Variants in ESR1 observed in about 807,000 individuals in gnomAD.
ESR1 encodes estrogen receptor.
In ESR1, 12 loss-of-function variants were observed where a neutral mutation model predicts 52.7. The ratio of observed to expected loss-of-function variants is 0.23; its 90% CI spans 0.15 to 0.37. The LOEUF (loss-of-function observed/expected upper bound fraction) is 0.37, where lower values mean the gene tolerates loss of function less well. Among genes scored for constraint, ESR1 ranks in the 10% least tolerant of loss-of-function variants. The pLI, the probability that ESR1 is intolerant of heterozygous loss-of-function variation, is 1.00. For missense variants in ESR1, 584 were observed against 779.7 expected (o/e 0.75, Z 2.99); for synonymous variants, 305 against 316.8 (o/e 0.96, Z 0.39).
chr6:151,899,320 C>G (rs1796168257), intron 3 of ESR1, among the ~76,000 whole-genome samples: 1 of 125,760 alleles, frequency 8.0e-6, no homozygotes, highest in African/African-American at 3.3e-5. Context: ...CCACCTCCCT[C>G]CCGGACGGGG....
At chr6:151,828,318 C>G (rs190624734) in intron 1 of ESR1, among the ~76,000 whole-genome samples, 2 of 152,316 alleles carry the variant, frequency 1.3e-5, no homozygotes, top group East Asian at 3.9e-4. Context: ...ACAGCATAGT[C>G]TAACAAGTAT....
intron 4 of ESR1, among the ~76,000 whole-genome samples, chr6:151,958,899 G>A (rs2037314867): frequency 6.6e-6 from 1 of 151,974 alleles, no homozygotes; most frequent in Admixed American, 6.6e-5. Flanking sequence ...CTTCTCTTTT[G>A]CCCCTCTTTG....
intron 5 of ESR1, among the ~76,000 whole-genome samples, chr6:152,055,004 C>T (rs1236643588): frequency 1.3e-5 from 2 of 152,136 alleles, no homozygotes; most frequent in East Asian, 3.9e-4. Flanking sequence ...TTGTTGCAAG[C>T]GACAGGATTT....
chr6:151,726,651 A>T (rs1024935770), intron 2 of ESR1, among the ~76,000 whole-genome samples: 1 of 152,184 alleles, frequency 6.6e-6, no homozygotes, highest in Admixed American at 6.5e-5. Context: ...TTTTAAAAAA[A>T]TTTCAGTTTC....
intron 3 of ESR1, among the ~76,000 whole-genome samples, chr6:151,884,509 A>C (rs1793510527): frequency 6.6e-6 from 1 of 152,252 alleles, no homozygotes; most frequent in South Asian, 2.1e-4. Context: ...GTTTAGTTTC[A>C]GTTAAAAGAG....
At chr6:151,796,556 A>G (rs1394945603) in intron 2 of ESR1, among the ~76,000 whole-genome samples, 2 of 152,222 alleles carry the variant, frequency 1.3e-5, no homozygotes, top group Non-Finnish European at 2.9e-5. Flanking sequence ...GCATTTGTAA[A>G]ACACTTGATA....
chr6:151,884,749 A>G (rs924394322), intron 3 of ESR1, among the ~76,000 whole-genome samples: 3 of 152,192 alleles, frequency 2.0e-5, no homozygotes, highest in Non-Finnish European at 4.4e-5. Context: ...GTGCTTTTCT[A>G]TCCTAGTACA....
At chr6:151,908,151 TA>T (rs1554282003) in intron 3 of ESR1, among the ~76,000 whole-genome samples, 1 of 152,126 alleles carries the variant, frequency 6.6e-6, no homozygotes, top group Non-Finnish European at 1.5e-5. Context: ...ATGAATAAAA[TA>T]AAAAACTTTG....
chr6:151,797,486 A>G (rs1287765554), intron 2 of ESR1, among the ~76,000 whole-genome samples: 1 of 152,244 alleles, frequency 6.6e-6, no homozygotes, highest in African/African-American at 2.4e-5. Context: ...TTCTGTCTCT[A>G]GCATTGCAAG....
intron 4 of ESR1, among the ~76,000 whole-genome samples, chr6:151,979,485 T>C (rs1001511412): frequency 6.6e-6 from 1 of 152,192 alleles, no homozygotes; most frequent in East Asian, 1.9e-4. Context: ...ATGATTAGTC[T>C]CATAATCATA....
At chr6:152,020,314 G>A (rs935542914) in intron 5 of ESR1, among the ~76,000 whole-genome samples, 1 of 152,142 alleles carries the variant, frequency 6.6e-6, no homozygotes, top group Non-Finnish European at 1.5e-5. Context: ...AGCTGGCAGG[G>A]GGAAAGCAGA....
chr6:151,944,434 C>T lies in ESR1; in HGVS notation c.1022C>T (p.Ser341Leu), dbSNP rs2128528960. The change falls in exon 4 of 8, where the codon TCG (serine) becomes TTG (leucine). Residue 341 changes from serine to leucine, a missense_variant. Physicochemically the swap from Ser to Leu is moderately radical, Grantham distance 145 (BLOSUM62 -2). Transcript: ENST00000206249. ...YDPTRPFSEA[S>L]MMGLLTNLAD... ...CCTACCAGACCCTTCAGTGAAGCTT[C>T]GATGATGGGCTTACTGACCAACCTG... 6 of 1,614,168 alleles carry T rather than the reference C, an allele frequency of 3.7e-6. No individual in the cohort carries two copies. Among genetic ancestry groups the T allele is most frequent in the Non-Finnish European group, 5.1e-6 (6 of 1,180,038 alleles).
chr6:151,778,697 T>C (rs1482571312), intron 2 of ESR1, among the ~76,000 whole-genome samples: 2 of 152,140 alleles, frequency 1.3e-5, no homozygotes, highest in East Asian at 1.9e-4. Context: ...TGAGCCACCA[T>C]ACCTGCCATA....
At chr6:151,981,784 C>G (rs1415009925) in intron 4 of ESR1, among the ~76,000 whole-genome samples, 1 of 152,202 alleles carries the variant, frequency 6.6e-6, no homozygotes, top group African/African-American at 2.4e-5. Context: ...ATATAACTTA[C>G]TCCATCGGTA....
intron 2 of ESR1, among the ~76,000 whole-genome samples, chr6:151,783,935 A>G (rs940788901): frequency 1.3e-5 from 2 of 152,198 alleles, no homozygotes; most frequent in African/African-American, 4.8e-5. Context: ...GATTTGTCTC[A>G]TGTTTTTCTC....
At chr6:152,128,888 C>T (rs1015794970) in exon 7 of ESR1, 1 of 152,184 alleles carries the variant, frequency 6.6e-6, no homozygotes, top group Non-Finnish European at 1.5e-5. Context: ...ACAGAGGTAC[C>T]GACGGTAACG....
chr6:151,713,147 T>C (rs951145274), intron 2 of ESR1, among the ~76,000 whole-genome samples: 1 of 152,196 alleles, frequency 6.6e-6, no homozygotes, highest in African/African-American at 2.4e-5. Context: ...CATTTACTGA[T>C]TTGTGTATGT....
rs2050958761 is a variant in ESR1 at position 152,101,345 on chromosome 6, A to T, written c.*2379A>T. On this transcript the variant is annotated 3_prime_UTR_variant, in exon 8 of 8. Transcript: ENST00000206249. ...TCAGTGGGTTCTTTTTAATGTTTAT[A>T]CTTAGATTTTCTTTTAAAAAAATTA... The T allele has an allele frequency of 4.3e-6, 1 of 232,746 alleles. No individual in the cohort carries two copies. Among genetic ancestry groups the T allele is most frequent in the Non-Finnish European group, 8.5e-6 (1 of 117,532 alleles). 14.4% of individuals were successfully genotyped at this position (232,746 alleles called of 1,614,324 possible).
chr6:151,794,380 G>A (rs1337415464), intron 2 of ESR1, among the ~76,000 whole-genome samples: 1 of 152,124 alleles, frequency 6.6e-6, no homozygotes, highest in Non-Finnish European at 1.5e-5. Context: ...TGATAATTTT[G>A]TATATAAAGG....
Sources: gnomAD v4.1 joint callset for allele counts (sites outside exome capture counted in the v4.1 genomes callset) on GRCh38, gnomAD v4.1.1 for gene constraint, MANE v1.5 for transcripts, NCBI Gene and HGNC (gene_info 2026-07-23, HGNC 2026-07-21) for gene names.